The following ERV3-1 variants were observed in gnomAD, a reference collection of about 807,000 sequenced individuals.
The protein encoded by ERV3-1 is endogenous retrovirus group 3 member 1, envelope.
ERV3-1 carries 36 observed loss-of-function variants against 24.6 expected under a neutral mutation model. The ratio of observed to expected loss-of-function variants is 1.47; its 90% CI spans 1.12 to 1.94. The LOEUF (loss-of-function observed/expected upper bound fraction) is 1.94. Among genes scored for constraint, ERV3-1 ranks in the 30% most tolerant of loss-of-function variants. The pLI is 0.00. For missense variants in ERV3-1, 578 were observed against 330.9 expected, an observed-to-expected ratio of 1.75 and a Z score of -5.79; for synonymous variants, 211 against 122.6, an observed-to-expected ratio of 1.72 and a Z score of -4.76.
At chr7:65,003,432 G>A (rs546146024) in intron 1 of ERV3-1, among the ~76,000 whole-genome samples, 1 of 152,232 alleles carries the variant, frequency 6.6e-6, no homozygotes, top group South Asian at 2.1e-4. Flanking sequence ...AGTGATCCAA[G>A]ATCTCACCAC....
chr7:64,995,248 G>A (rs1023939741), intron 1 of ERV3-1, among the ~76,000 whole-genome samples: 6 of 152,212 alleles, frequency 3.9e-5, no homozygotes, highest in African/African-American at 1.2e-4. Context: ...TGTCAATAGG[G>A]TGGTAGTGGC....
At position 64,992,570 on chromosome 7, in the gene ERV3-1, G is replaced by A. The variant is rs1464058636; in HGVS notation, c.457C>T (p.His153Tyr). Residue 153 changes from histidine (H) to tyrosine (Y), a missense_variant, in exon 2 of 2, where the codon CAC becomes TAC. His to Tyr is a moderately conservative substitution (Grantham distance 83, BLOSUM62 2). Transcript: ENST00000394323. ...YSSCHKNRYAHPACSTDSPVT... is the reference protein window; with the variant it reads ...YSSCHKNRYAYPACSTDSPVT... ...GGGGAATCGGTGGAACAAGCAGGGTGTGCATACCTATTTTTATGGCAGCTA... is the reference window on the plus strand; with the variant it reads ...GGGGAATCGGTGGAACAAGCAGGGTATGCATACCTATTTTTATGGCAGCTA... 3 of 766,280 alleles carry A rather than the reference G, an allele frequency of 3.9e-6. No homozygotes were observed. The highest frequency in any genetic ancestry group is 2.4e-5 in the East Asian group (1 of 41,242). 47.5% of individuals were successfully genotyped at this position (766,280 alleles called of 1,614,324 possible).
At chr7:64,999,491 G>C (rs117992925) in intron 1 of ERV3-1, among the ~76,000 whole-genome samples, 2,095 of 152,288 alleles carry the variant, frequency 0.014, 45 homozygotes, top group Middle Eastern at 0.044. Context: ...CAACAGGGGC[G>C]GGTCAGGTTT....
chr7:65,006,431 G>A (rs1786652633), intron 1 of ERV3-1, 110 bp downstream of exon 1: 2 of 1,491,370 alleles, frequency 1.3e-6, no homozygotes, highest in South Asian at 1.1e-5. Context: ...ACTCGGGGCC[G>A]CGGATTTTGG....
At chr7:64,997,435 CAG>C (rs2129123454) in intron 1 of ERV3-1, among the ~76,000 whole-genome samples, 1 of 152,316 alleles carries the variant, frequency 6.6e-6, no homozygotes, top group East Asian at 1.9e-4. Context: ...GAATGCTTTA[CAG>C]AGTCTCTCAT....
In ERV3-1 at chr7:64,992,502, T is replaced by C. The variant is rs765236126; in HGVS notation, c.525A>G (p.Gln175=). ...CWDCTTWSTN[Q]QSLGPIMLTK... ...TAAGCATAATTGGCCCTAGTGATTG[T>C]TGGTTAGTGGACCACGTTGTGCAGT... The change falls in exon 2 of 2, where the codon CAA becomes CAG. Residue 175 remains glutamine (Q), a synonymous_variant. Transcript: ENST00000394323. The C allele has an allele frequency of 1.3e-6, 1 of 766,406 alleles. No individual in the cohort carries two copies. The highest frequency in any genetic ancestry group is 2.4e-6 in the Non-Finnish European group (1 of 417,908). The allele number at this position is 766,406 out of a possible 1,614,324, so 47.5% of individuals were successfully genotyped here.
chr7:64,997,089 A>G (rs1212262189), intron 1 of ERV3-1, among the ~76,000 whole-genome samples: 1 of 152,166 alleles, frequency 6.6e-6, no homozygotes, highest in Non-Finnish European at 1.5e-5. Flanking sequence ...TGATTCCTAC[A>G]TAGTCTTGGT....
chr7:65,000,084 G>A (rs911481689), intron 1 of ERV3-1, among the ~76,000 whole-genome samples: 2 of 152,138 alleles, frequency 1.3e-5, no homozygotes, highest in Non-Finnish European at 2.9e-5. Flanking sequence ...CTATCATAAA[G>A]ATACAAAGAC....
In ERV3-1 at chr7:65,006,537, T is replaced by C; in HGVS notation, c.-389+4A>G. The stretch of plus-strand genomic sequence containing the variant: ...TCTCGGGATGTCGGACCCGGCACTC[T>C]CACCATTTCTAGGCTTCCAGTGGGT... On this transcript the variant is annotated splice_donor_region_variant and intron_variant, in intron 1 of 1. Coordinates refer to ENST00000394323, the MANE Select transcript of ERV3-1 (RefSeq NM_001007253.4). 3 of 1,576,142 alleles carry C rather than the reference T, an allele frequency of 1.9e-6. No homozygotes were observed. Among genetic ancestry groups the C allele is most frequent in the East Asian group, 4.5e-5 (2 of 44,564 alleles).
intron 1 of ERV3-1, among the ~76,000 whole-genome samples, chr7:65,001,946 T>C (rs1786532495): frequency 6.6e-6 from 1 of 152,134 alleles, no homozygotes; most frequent in Admixed American, 6.5e-5. Flanking sequence ...GTTTAAAAAT[T>C]CAGGACTCCC....
At chr7:65,002,412 C>T (rs1447472412) in intron 1 of ERV3-1, among the ~76,000 whole-genome samples, 1 of 152,206 alleles carries the variant, frequency 6.6e-6, no homozygotes, top group Non-Finnish European at 1.5e-5. Context: ...AAACCTCTGC[C>T]TCCAAGGTTC....
Position 64,992,357 on chromosome 7 carries a change from C to T in ERV3-1, c.670G>A (p.Val224Ile). The change falls in exon 2 of 2, where the codon GTC (valine) becomes ATC (isoleucine). Residue 224 changes from valine to isoleucine, a missense_variant. Transcript: ENST00000394323. Reference protein sequence around the residue: ...TGLKAPLGARVSGEEIGPGAY... With the variant: ...TGLKAPLGARISGEEIGPGAY... ...CCTGGGCCAATTTCTTCACCGCTGACTCGTGCCCCTAGCGGTGCTTTTAAA... is the reference window on the plus strand; with the variant it reads ...CCTGGGCCAATTTCTTCACCGCTGATTCGTGCCCCTAGCGGTGCTTTTAAA... The T allele has an allele frequency of 2.6e-6, 2 of 766,428 alleles. No individual in the cohort carries two copies. Among genetic ancestry groups the T allele is most frequent in the Non-Finnish European group, 4.8e-6 (2 of 417,906 alleles). The allele number at this position is 766,428 out of a possible 1,614,324, so 47.5% of individuals were successfully genotyped here.
Position 64,992,666 on chromosome 7 carries a change from A to C in ERV3-1, c.361T>G (p.Phe121Val). ...ATGGATACTATCTGGCAAACATCAA[A>C]GTATAAGGATACGACATCCTTGCCA... Reference protein sequence around the residue: ...PSGKDVVSLYFDVCQIVSMGS... With the variant: ...PSGKDVVSLYVDVCQIVSMGS... The change falls in exon 2 of 2, where the codon TTT (phenylalanine) becomes GTT (valine). Residue 121 changes from phenylalanine (F) to valine (V), a missense_variant. Transcript: ENST00000394323. 1.3e-6 allele frequency: 1 copy of C among 766,378 alleles called. No individual in the cohort carries two copies. Among genetic ancestry groups the C allele is most frequent in the Admixed American group, 1.7e-5 (1 of 59,038 alleles). 47.5% of individuals were successfully genotyped at this position (766,378 alleles called of 1,614,324 possible). A position where few individuals can be genotyped will look rare whatever the true frequency, so the allele number is the denominator to read the frequency against.
chr7:64,995,182 GCA>G (rs1786380431), intron 1 of ERV3-1, among the ~76,000 whole-genome samples: 1 of 152,202 alleles, frequency 6.6e-6, no homozygotes, highest in Non-Finnish European at 1.5e-5. Context: ...AGTTATAACC[GCA>G]TGTGGTACCT....
At chr7:64,997,760 C>G (rs912087137) in intron 1 of ERV3-1, among the ~76,000 whole-genome samples, 23 of 152,094 alleles carry the variant, frequency 1.5e-4, no homozygotes, top group African/African-American at 4.6e-4. Context: ...AATCTGGCCA[C>G]GTTGGATTTT....
At chr7:64,997,041 C>G (rs1421188889) in intron 1 of ERV3-1, among the ~76,000 whole-genome samples, 1 of 152,242 alleles carries the variant, frequency 6.6e-6, no homozygotes, top group East Asian at 1.9e-4. Context: ...TCTGGACATT[C>G]ACCTTTCCAG....
rs778678058 is a variant in ERV3-1, at chr7:64,992,593, C to A, written c.434G>T (p.Ser145Ile). 1.3e-6 allele frequency: 1 copy of A among 766,164 alleles called. No individual in the cohort carries two copies. Among genetic ancestry groups the A allele is most frequent in the African/African-American group, 1.7e-5 (1 of 59,210 alleles). The allele number at this position is 766,164 out of a possible 1,614,324, so 47.5% of individuals were successfully genotyped here. The stretch of plus-strand genomic sequence containing the variant: ...GTGTGCATACCTATTTTTATGGCAG[C>A]TACTATAGTACTCCATGGAACTGAA... ...VIFSSMEYYS[S>I]CHKNRYAHPA... The change falls in exon 2 of 2, where the codon AGC becomes ATC. Residue 145 changes from serine (S) to isoleucine (I), a missense_variant. By Grantham distance (142) the Ser-to-Ile change is moderately radical. Transcript: ENST00000394323.
chr7:64,998,806 G>A (rs1015692862), intron 1 of ERV3-1, among the ~76,000 whole-genome samples: 10 of 152,054 alleles, frequency 6.6e-5, no homozygotes, highest in Non-Finnish European at 8.8e-5. Flanking sequence ...CACTAGTCTC[G>A]GTCGGTTCCA....
At chr7:64,999,426 A>G (rs529554322) in intron 1 of ERV3-1, among the ~76,000 whole-genome samples, 11 of 152,202 alleles carry the variant, frequency 7.2e-5, no homozygotes, top group Admixed American at 7.2e-4. Flanking sequence ...CAGCCGATGA[A>G]CATCCAAAGG....
Sources: gnomAD v4.1 joint callset for allele counts (sites outside exome capture counted in the v4.1 genomes callset) on GRCh38, gnomAD v4.1.1 for gene constraint, MANE v1.5 for transcripts, NCBI Gene and HGNC (gene_info 2026-07-23, HGNC 2026-07-21) for gene names.